PRKCQ: variants seen among roughly 807,000 people sequenced by gnomAD.
PRKCQ encodes protein kinase C theta type.
PRKCQ carries 41 observed loss-of-function variants against 91.2 expected under a neutral mutation model. The ratio of observed to expected loss-of-function variants is 0.45; its 90% CI spans 0.35 to 0.58. The LOEUF (loss-of-function observed/expected upper bound fraction) is 0.58, where lower values mean the gene tolerates loss of function less well. Among genes scored for constraint, PRKCQ ranks in the 20% least tolerant of loss-of-function variants. The pLI, the probability that PRKCQ is intolerant of heterozygous loss-of-function variation, is 0.00. For synonymous variants in PRKCQ, 307 were observed against 316.9 expected (o/e 0.97, Z 0.33); for missense variants, 673 against 896.5 (o/e 0.75, Z 3.18).
At position 6,459,627 on chromosome 10, in the gene PRKCQ, G is replaced by T. The variant is rs768719451; in HGVS notation, c.1508+2676C>A. Among the ~76,000 whole-genome samples the T allele has an allele frequency of 5.3e-4, 81 of 152,240 alleles. 1 individual carries two copies. The highest frequency in any genetic ancestry group is 8.4e-4 in the Non-Finnish European group (57 of 68,012). On this transcript the variant is annotated intron_variant, in intron 14 of 17. Coordinates refer to ENST00000263125, the MANE Select transcript of PRKCQ (RefSeq NM_006257.5). ...CAAGGTGAGATTATCCTTGATTATCGAGGTGGGCCCTAAATCCATCAAGTG... is the reference window on the plus strand; with the variant it reads ...CAAGGTGAGATTATCCTTGATTATCTAGGTGGGCCCTAAATCCATCAAGTG...
chr10:6,570,031 G>C (rs1335572202), intron 1 of PRKCQ, among the ~76,000 whole-genome samples: 3 of 151,970 alleles, frequency 2.0e-5, no homozygotes, highest in Non-Finnish European at 4.4e-5. Flanking sequence ...AAGAAGAGGA[G>C]CTTGCAAAGG....
chr10:6,436,755 TGAGTAGGATTCCA>T (rs1190291658), intron 16 of PRKCQ, among the ~76,000 whole-genome samples: 25 of 152,232 alleles, frequency 1.6e-4, no homozygotes, highest in African/African-American at 5.8e-4. Flanking sequence ...TTTTCATTGC[TGAGTAGGATTCCA>T]GCACACGGCT....
chr10:6,562,583 A>C (rs1840676653), intron 1 of PRKCQ, among the ~76,000 whole-genome samples: 1 of 152,222 alleles, frequency 6.6e-6, no homozygotes, highest in South Asian at 2.1e-4. Flanking sequence ...TAAAGGGAGA[A>C]GGAAGTCTCA....
chr10:6,484,291 G>A (rs1200881099), intron 10 of PRKCQ, among the ~76,000 whole-genome samples: 1 of 152,200 alleles, frequency 6.6e-6, no homozygotes, highest in Non-Finnish European at 1.5e-5. Flanking sequence ...GTGTGCGCAA[G>A]TAGTCCCAGG....
At chr10:6,491,184 T>C (rs1465118740) in intron 8 of PRKCQ, among the ~76,000 whole-genome samples, 4 of 152,214 alleles carry the variant, frequency 2.6e-5, no homozygotes, top group African/African-American at 9.7e-5. Context: ...CAAGCTAATG[T>C]TACAGAATTT....
At chr10:6,537,064 G>T (rs930986428) in intron 1 of PRKCQ, among the ~76,000 whole-genome samples, 2 of 152,210 alleles carry the variant, frequency 1.3e-5, no homozygotes, top group Non-Finnish European at 2.9e-5. Flanking sequence ...AGAAAGATGG[G>T]GCGCAGTGGG....
intron 1 of PRKCQ, among the ~76,000 whole-genome samples, chr10:6,556,433 G>GAAAAAA (rs1564391742): frequency 1.1e-5 from 1 of 93,484 alleles, no homozygotes. Flanking sequence ...CCCTGTCTTG[G>GAAAAAA]GAAAAAAAAA....
chr10:6,408,063 T>C, the PRKCQ span, among the ~76,000 whole-genome samples: 17 of 148,900 alleles, frequency 1.1e-4, no homozygotes, highest in African/African-American at 3.7e-4. Flanking sequence ...TTTTTTTTTT[T>C]TTTTTTTTTT....
chr10:6,437,737 C>T (rs202215810), intron 16 of PRKCQ, among the ~76,000 whole-genome samples: 26 of 151,284 alleles, frequency 1.7e-4, no homozygotes, highest in East Asian at 7.8e-4. Context: ...CTACAAGCTC[C>T]GCCTCCCGGG....
intron 10 of PRKCQ, 113 bp from the exon 11 acceptor site, chr10:6,483,713 A>T: frequency 7.8e-7 from 1 of 1,278,306 alleles, no homozygotes; most frequent in South Asian, 1.4e-5. Flanking sequence ...CATCATAGTA[A>T]TTGGGGGTGT....
chr10:6,426,748 A>T (rs11814914), downstream of PRKCQ, among the ~76,000 whole-genome samples: 2,978 of 152,264 alleles, frequency 0.02, 115 homozygotes, highest in African/African-American at 0.069. Context: ...CAGCCATGTG[A>T]TGAGGTAGGC....
Position 6,511,154 on chromosome 10 carries a change from G to A in PRKCQ, c.159C>T (p.Tyr53=). 1 of 1,614,058 alleles carries A rather than the reference G, an allele frequency of 6.2e-7. No homozygotes were observed. Among genetic ancestry groups the A allele is most frequent in the Non-Finnish European group, 8.5e-7 (1 of 1,179,996 alleles). The change falls in exon 3 of 18, where the codon TAC becomes TAT. Residue 53 remains tyrosine (Y), a synonymous_variant. Transcript: ENST00000263125. ...CATCAAAAGTGCTGTCCCAGGGTGG[G>A]TACATGGTAGGCTTTTTCTGGATAT... ...QMYIQKKPTM[Y]PPWDSTFDAH... is the part of the protein sequence containing the mutation.
At chr10:6,515,254 T>C (rs1838701639) in intron 1 of PRKCQ, 110 bp from the exon 2 acceptor site, 3 of 1,563,252 alleles carry the variant, frequency 1.9e-6, no homozygotes, top group Admixed American at 3.8e-5. Flanking sequence ...GAACCTCACA[T>C]AGGTCCACTA....
chr10:6,481,842 G>A (rs1006230990), intron 11 of PRKCQ, among the ~76,000 whole-genome samples: 7 of 152,172 alleles, frequency 4.6e-5, no homozygotes, highest in South Asian at 2.1e-4. Flanking sequence ...TAGGAGCCCC[G>A]TTAATACATG....
At chr10:6,498,307 C>G in intron 5 of PRKCQ, 89 bp downstream of exon 5, 1 of 1,494,084 alleles carries the variant, frequency 6.7e-7, no homozygotes, top group Non-Finnish European at 9.2e-7. Context: ...AGCACACCCC[C>G]CACAGTGGAG....
At chr10:6,482,611 G>C (rs1836665952) in intron 11 of PRKCQ, among the ~76,000 whole-genome samples, 1 of 152,162 alleles carries the variant, frequency 6.6e-6, no homozygotes. Context: ...GTTTAAGCCA[G>C]CCAGTATGTG....
intron 12 of PRKCQ, among the ~76,000 whole-genome samples, chr10:6,466,819 ACT>A (rs886728365): frequency 2.0e-5 from 3 of 152,080 alleles, no homozygotes; most frequent in Non-Finnish European, 4.4e-5. Context: ...TGCTGGAAAG[ACT>A]CTGGGCTGGC....
At position 6,467,401 on chromosome 10, in the gene PRKCQ, G is replaced by C. The variant is rs866882212; in HGVS notation, c.1354-2997C>G. Among the ~76,000 whole-genome samples, 104 of 97,648 alleles carry C rather than the reference G, an allele frequency of 1.1e-3. 2 individuals carry two copies. The highest frequency in any genetic ancestry group is 1.9e-3 in the Non-Finnish European group (78 of 40,528). The allele number at this position is 97,648 out of a possible 152,430, so 64.1% of individuals were successfully genotyped here. A position where few individuals can be genotyped will look rare whatever the true frequency, so the allele number is the denominator to read the frequency against. The stretch of plus-strand genomic sequence containing the variant: ...AGAGAGAGACAGACAGAGAGAGAGA[G>C]AGAGAGAGAGAGAGAGAGAGAGAGA... On this transcript the variant is annotated intron_variant, in intron 12 of 17. Coordinates refer to ENST00000263125, the MANE Select transcript of PRKCQ (RefSeq NM_006257.5).
intron 10 of PRKCQ, 64 bp from the exon 11 acceptor site, chr10:6,483,664 G>T (rs1441123850): frequency 1.7e-5 from 27 of 1,561,752 alleles, no homozygotes; most frequent in Non-Finnish European, 7.9e-6. Context: ...TAGTTACTGA[G>T]AGCACATGCT....
Sources: gnomAD v4.1 joint callset for allele counts (sites outside exome capture counted in the v4.1 genomes callset) on GRCh38, gnomAD v4.1.1 for gene constraint, MANE v1.5 for transcripts, NCBI Gene and HGNC (gene_info 2026-07-23, HGNC 2026-07-21) for gene names.